Variants in RAB11FIP4 observed in about 807,000 individuals in gnomAD.
The protein encoded by RAB11FIP4 is rab11 family-interacting protein 4.
Under a neutral mutation model 74.3 loss-of-function variants are expected in RAB11FIP4, and 23 were observed. The ratio of observed to expected loss-of-function variants is 0.31; its 90% CI spans 0.22 to 0.44. RAB11FIP4 has a LOEUF of 0.44. Among genes scored for constraint, RAB11FIP4 ranks in the 20% least tolerant of loss-of-function variants. RAB11FIP4 has a pLI of 1.00. For synonymous variants in RAB11FIP4, 360 were observed against 359.9 expected (o/e 1.00, Z 0.00); for missense variants, 630 against 863.9 (o/e 0.73, Z 3.39).
rs548913729 is a variant in RAB11FIP4, at chr17:31,392,222, G to A, written c.159+211G>A. ...TTCCGCCCCCCGGCGCCCGTGCCCCGAGCGTCACGCGTCACGCCTAGGGTG... is the reference window on the plus strand; with the variant it reads ...TTCCGCCCCCCGGCGCCCGTGCCCCAAGCGTCACGCGTCACGCCTAGGGTG... On this transcript the variant is annotated intron_variant, in intron 1 of 14. Coordinates refer to ENST00000621161, the MANE Select transcript of RAB11FIP4 (RefSeq NM_032932.6). 2.2e-3 allele frequency: 805 copies of A among 363,996 alleles called. 7 individuals carry two copies. The highest frequency in any genetic ancestry group is 0.016 in the African/African-American group (739 of 47,114). 22.5% of individuals were successfully genotyped at this position (363,996 alleles called of 1,614,324 possible). A position where few individuals can be genotyped will look rare whatever the true frequency, so the allele number is the denominator to read the frequency against.
At chr17:31,520,244 C>G (rs888856756) in intron 4 of RAB11FIP4, among the ~76,000 whole-genome samples, 1 of 152,094 alleles carries the variant, frequency 6.6e-6, no homozygotes, top group African/African-American at 2.4e-5. Context: ...GAATACTATG[C>G]CATTTCATAT....
intron 3 of RAB11FIP4, among the ~76,000 whole-genome samples, chr17:31,472,457 C>T (rs995985581): frequency 3.5e-4 from 54 of 152,332 alleles, no homozygotes; most frequent in East Asian, 9.7e-4. Context: ...GCGGCCCCAG[C>T]GCTCACCATC....
intron 3 of RAB11FIP4, among the ~76,000 whole-genome samples, chr17:31,442,038 G>A (rs1277621222): frequency 1.3e-5 from 2 of 150,424 alleles, no homozygotes; most frequent in Non-Finnish European, 3.0e-5. Flanking sequence ...TCACTCTGTC[G>A]CCCAGGCTGG....
chr17:31,495,499 T>G (rs2072099451), intron 3 of RAB11FIP4, among the ~76,000 whole-genome samples: 1 of 151,766 alleles, frequency 6.6e-6, no homozygotes, highest in Admixed American at 6.6e-5. Flanking sequence ...CTCAGCTGCC[T>G]GAGTAGCTGG....
intron 3 of RAB11FIP4, among the ~76,000 whole-genome samples, chr17:31,457,690 C>T (rs1468159891): frequency 7.9e-5 from 12 of 151,688 alleles, no homozygotes. Flanking sequence ...ACCCCCACCA[C>T]CCTCACCCCC....
chr17:31,463,863 G>C (rs544595063), intron 3 of RAB11FIP4, among the ~76,000 whole-genome samples: 2 of 129,466 alleles, frequency 1.5e-5, no homozygotes, highest in East Asian at 4.8e-4. Context: ...GTCCAGGCTG[G>C]AGTGCAGTGA....
chr17:31,447,431 C>T (rs567914141), intron 3 of RAB11FIP4, among the ~76,000 whole-genome samples: 15 of 152,074 alleles, frequency 9.9e-5, no homozygotes, highest in Non-Finnish European at 2.2e-4. Context: ...CGACAGCACT[C>T]CAGCCTGGGC....
intron 3 of RAB11FIP4, among the ~76,000 whole-genome samples, chr17:31,516,029 T>A (rs2072539927): frequency 6.6e-6 from 1 of 152,204 alleles, no homozygotes; most frequent in Non-Finnish European, 1.5e-5. Flanking sequence ...CCTCCTGGGC[T>A]GGGCATCACA....
chr17:31,528,395 C>T lies in RAB11FIP4; in HGVS notation c.1357-11C>T. ...GAACTCTCCTCCCCTGATCGGGTCT[C>T]CCTGCTCCAGGAGCGGCAGCGCATG... is the stretch of plus-strand genomic sequence containing the variant. On this transcript the variant is annotated splice_polypyrimidine_tract_variant and intron_variant, in intron 11 of 14. Transcript: ENST00000621161. The T allele has an allele frequency of 6.2e-7, 1 of 1,611,240 alleles. No homozygotes were observed. The highest frequency in any genetic ancestry group is 8.5e-7 in the Non-Finnish European group (1 of 1,179,574).
intron 3 of RAB11FIP4, among the ~76,000 whole-genome samples, chr17:31,472,104 G>T (rs1412289662): frequency 6.6e-6 from 1 of 151,690 alleles, no homozygotes; most frequent in African/African-American, 2.4e-5. Flanking sequence ...GGAGGTTGCA[G>T]TGAGCTGAGA....
intron 3 of RAB11FIP4, among the ~76,000 whole-genome samples, chr17:31,505,702 T>G (rs1485917815): frequency 1.8e-5 from 2 of 109,122 alleles, no homozygotes; most frequent in East Asian, 4.1e-4. Flanking sequence ...TAATTATATA[T>G]AATATATTAA....
chr17:31,402,910 C>T (rs187249577), intron 1 of RAB11FIP4, among the ~76,000 whole-genome samples: 43 of 152,186 alleles, frequency 2.8e-4, no homozygotes, highest in South Asian at 1.2e-3. Context: ...CAGGCGTGAG[C>T]CACCGCGCCT....
At chr17:31,410,824 T>C (rs200991960) in intron 1 of RAB11FIP4, among the ~76,000 whole-genome samples, 2 of 152,222 alleles carry the variant, frequency 1.3e-5, no homozygotes, top group Admixed American at 6.5e-5. Flanking sequence ...GAAGACCAGC[T>C]CCTGCCACTC....
At chr17:31,502,152 AG>A (rs1344685515) in intron 3 of RAB11FIP4, among the ~76,000 whole-genome samples, 3 of 149,546 alleles carry the variant, frequency 2.0e-5, no homozygotes, top group African/African-American at 2.5e-5. Flanking sequence ...TGAACCCAGG[AG>A]GGGGGTGTTG....
intron 1 of RAB11FIP4, among the ~76,000 whole-genome samples, chr17:31,422,213 C>T (rs2071206998): frequency 6.6e-6 from 1 of 152,156 alleles, no homozygotes; most frequent in Admixed American, 6.5e-5. Context: ...TTTGTTTAAT[C>T]GTCCAAGATA....
chr17:31,501,191 CT>C (rs200653351), intron 3 of RAB11FIP4, among the ~76,000 whole-genome samples: 291 of 145,452 alleles, frequency 2.0e-3, no homozygotes, highest in East Asian at 4.2e-3. Flanking sequence ...GAGAATACAA[CT>C]TTTTTTTTTT....
chr17:31,467,827 C>G (rs1030926761), intron 3 of RAB11FIP4, among the ~76,000 whole-genome samples: 5 of 152,220 alleles, frequency 3.3e-5, no homozygotes, highest in Non-Finnish European at 7.3e-5. Context: ...GAATCTGCCC[C>G]GAGCTTGGGG....
At chr17:31,460,302 G>A (rs921509426) in intron 3 of RAB11FIP4, among the ~76,000 whole-genome samples, 1 of 152,242 alleles carries the variant, frequency 6.6e-6, no homozygotes, top group Non-Finnish European at 1.5e-5. Context: ...TGCCGTCCCT[G>A]GGAGCAGGTG....
chr17:31,517,194 G>GGC (rs1262022626), intron 3 of RAB11FIP4, among the ~76,000 whole-genome samples: 2 of 58,776 alleles, frequency 3.4e-5, no homozygotes, highest in Non-Finnish European at 6.2e-5. Flanking sequence ...GGCGGTGCGG[G>GGC]GGGGGGGGCG....
Sources: allele counts gnomAD v4.1 joint callset (sites outside exome capture counted in the v4.1 genomes callset), GRCh38; gene constraint gnomAD v4.1.1; transcripts MANE v1.5; gene names NCBI Gene and HGNC (gene_info 2026-07-23, HGNC 2026-07-21).